ZNF84: variants seen among roughly 807,000 people sequenced by gnomAD.
ZNF84 encodes zinc finger protein HPF2.
Under a neutral mutation model 14.8 loss-of-function variants are expected in ZNF84, and 12 were observed. The ratio of observed to expected loss-of-function variants is 0.81; its 90% CI spans 0.52 to 1.31. The LOEUF (loss-of-function observed/expected upper bound fraction) is 1.31, where lower values mean the gene tolerates loss of function less well. Ranked by LOEUF, ZNF84 falls within the 50% of genes most tolerant of loss-of-function variation. ZNF84 has a pLI of 0.00. For synonymous variants in ZNF84, 347 were observed against 291.1 expected (o/e 1.19, Z -1.96); for missense variants, 859 against 878.6 (o/e 0.98, Z 0.28).
At chr12:133,046,747 G>C (rs971190836) in intron 2 of ZNF84, among the ~76,000 whole-genome samples, 1 of 150,114 alleles carries the variant, frequency 6.7e-6, no homozygotes, top group Non-Finnish European at 1.5e-5. Context: ...CTGACGCCTC[G>C]ACCTCCCAGG....
chr12:133,043,939 T>TTC (rs1555288548), intron 2 of ZNF84, among the ~76,000 whole-genome samples: 10 of 150,590 alleles, frequency 6.6e-5, no homozygotes, highest in South Asian at 2.1e-4. Context: ...TTTTTTTTTT[T>TTC]TTCCAGTAGA....
chr12:133,058,249 G>T lies in ZNF84; in HGVS notation c.1534G>T (p.Glu512Ter), dbSNP rs1419395062. The T allele has an allele frequency of 6.2e-7, 1 of 1,613,864 alleles. No individual in the cohort carries two copies. The highest frequency in any genetic ancestry group is 1.3e-5 in the African/African-American group (1 of 74,874). Residue 512 changes from glutamate to a stop codon, truncating the protein, a stop_gained, in exon 5 of 5, where the codon GAA becomes TAA. Transcript: ENST00000539354. LOFTEE classifies it low-confidence loss of function (END_TRUNC). The stretch of plus-strand genomic sequence containing the variant: ...TAATCATCAAAGAATTCATACAGGA[G>T]AAAAACCATATGTATGCAGTGAATG... ...LTNHQRIHTG[E>*]KPYVCSECGK...
rs1954220910 is a variant in ZNF84 at position 133,059,456 on chromosome 12, C to G, written c.*524C>G. 6.4e-6 allele frequency: 1 copy of G among 156,482 alleles called. No individual in the cohort carries two copies. The highest frequency in any genetic ancestry group is 2.4e-5 in the African/African-American group (1 of 41,534). 9.7% of individuals were successfully genotyped at this position (156,482 alleles called of 1,614,324 possible). ...ATTTAAAGACACTGGGAACACTTGC[C>G]CCTCAGTATAGTACTGTCAAGGGAA... On this transcript the variant is annotated 3_prime_UTR_variant, in exon 5 of 5. Transcript: ENST00000539354.
Position 133,047,966 on chromosome 12 carries a change from A to C in ZNF84, c.27A>C (p.Ser9=). ...TTGTGCTCTTACAGGAGTCATTCTC[A>C]TTTGACGATTTATCTGTGGACTTCA... MTMLQESF[S]FDDLSVDFTQ... The change falls in exon 3 of 5, where the codon TCA becomes TCC. Residue 9 remains serine, a synonymous_variant. Transcript: ENST00000539354. The C allele has an allele frequency of 6.2e-7, 1 of 1,613,984 alleles. No homozygotes were observed. The highest frequency in any genetic ancestry group is 8.5e-7 in the Non-Finnish European group (1 of 1,179,922).
chr12:133,039,494 A>G (rs1294903314), intron 1 of ZNF84, among the ~76,000 whole-genome samples: 1 of 152,230 alleles, frequency 6.6e-6, no homozygotes, highest in African/African-American at 2.4e-5. Context: ...TAAATGTGCA[A>G]TCACAGGCAC....
At position 133,057,572 on chromosome 12, in the gene ZNF84, C is replaced by T; in HGVS notation, c.857C>T (p.Thr286Ile). The change falls in exon 5 of 5, where the codon ACA becomes ATA. Residue 286 changes from threonine (T) to isoleucine (I), a missense_variant. Transcript: ENST00000539354. ...SQLTSHQRTH[T>I]GEKPYECGEC... ...CTCACATCCCATCAGCGGACACATA[C>T]AGGAGAGAAACCTTATGAGTGTGGT... 1 of 1,614,162 alleles carries T rather than the reference C, an allele frequency of 6.2e-7. No individual in the cohort carries two copies. The highest frequency in any genetic ancestry group is 8.5e-7 in the Non-Finnish European group (1 of 1,180,024).
At position 133,057,017 on chromosome 12, in the gene ZNF84, T is replaced by C; in HGVS notation, c.302T>C (p.Ile101Thr). ...GATAACCAAGACAAGCTTAAAATTA[T>C]AAAAAGAGGTCATGAATGTGATGCA... ...HQDNQDKLKI[I>T]KRGHECDAFG... The change falls in exon 5 of 5, where the codon ATA becomes ACA. Residue 101 changes from isoleucine (I) to threonine (T), a missense_variant. Physicochemically the swap from Ile to Thr is moderately conservative, Grantham distance 89. Transcript: ENST00000539354. The C allele has an allele frequency of 1.9e-6, 3 of 1,608,506 alleles. No homozygotes were observed. Among genetic ancestry groups the C allele is most frequent in the Admixed American group, 1.7e-5 (1 of 58,574 alleles).
Position 133,059,000 on chromosome 12 carries a change from T to C in ZNF84, c.*68T>C. On this transcript the variant is annotated 3_prime_UTR_variant, in exon 5 of 5. Transcript: ENST00000539354. ...CAGGAAATGCAATTATGATAACGTT[T>C]GTAGACAGTCACGTCATGTTAGGTG... The C allele has an allele frequency of 6.9e-7, 1 of 1,443,390 alleles. No homozygotes were observed. Among genetic ancestry groups the C allele is most frequent in the Admixed American group, 2.1e-5 (1 of 46,614 alleles). 89.4% of individuals were successfully genotyped at this position (1,443,390 alleles called of 1,614,324 possible).
At chr12:133,056,665 T>C (rs1954164236) in intron 4 of ZNF84, among the ~76,000 whole-genome samples, 1 of 152,178 alleles carries the variant, frequency 6.6e-6, no homozygotes, top group South Asian at 2.1e-4. Context: ...GGGTCAAAGC[T>C]TCTTCTAACC....
chr12:133,048,611 C>G (rs376219964), intron 3 of ZNF84, 142 bp from the exon 4 acceptor site: 1 of 581,600 alleles, frequency 1.7e-6, no homozygotes. Context: ...CAAGGGAGAC[C>G]GTTACTGTAA....
chr12:133,058,084 A>G lies in ZNF84; in HGVS notation c.1369A>G (p.Lys457Glu), dbSNP rs1954193650. ...ISHQMTHTGE[K>E]PFICSKCGKA... ...ACATCAGATGACACACACAGGAGAA[A>G]AACCCTTTATATGCAGTAAATGTGG... The change falls in exon 5 of 5, where the codon AAA becomes GAA. Residue 457 changes from lysine to glutamate, a missense_variant. Transcript: ENST00000539354. 1.9e-6 allele frequency: 3 copies of G among 1,614,006 alleles called. No individual in the cohort carries two copies. The highest frequency in any genetic ancestry group is 2.2e-5 in the East Asian group (1 of 44,874).
chr12:133,052,570 A>C (rs1954089937), intron 4 of ZNF84, among the ~76,000 whole-genome samples: 1 of 152,164 alleles, frequency 6.6e-6, no homozygotes, highest in South Asian at 2.1e-4. Context: ...CCAGGGTTCA[A>C]GTAATCTGCC....
At chr12:133,045,227 T>C (rs1366182649) in intron 2 of ZNF84, among the ~76,000 whole-genome samples, 1 of 152,128 alleles carries the variant, frequency 6.6e-6, no homozygotes, top group East Asian at 1.9e-4. Flanking sequence ...TCCCAGCACT[T>C]TGGGAGGCCG....
intron 2 of ZNF84, among the ~76,000 whole-genome samples, chr12:133,045,949 C>T (rs1268969498): frequency 1.2e-5 from 1 of 80,580 alleles, no homozygotes; most frequent in Non-Finnish European, 2.5e-5. Context: ...ATTTTTAAGT[C>T]ATTTTCTGTC....
chr12:133,051,118 T>TG (rs1255707337), intron 4 of ZNF84, among the ~76,000 whole-genome samples: 29 of 150,610 alleles, frequency 1.9e-4, no homozygotes, highest in Admixed American at 6.0e-4. Context: ...TTTGGTTTTT[T>TG]TTTTTGTTTT....
In ZNF84 at chr12:133,059,179, A is replaced by G; in HGVS notation, c.*247A>G. The G allele has an allele frequency of 2.4e-6, 1 of 424,992 alleles. No individual in the cohort carries two copies. The highest frequency in any genetic ancestry group is 4.1e-6 in the Non-Finnish European group (1 of 241,556). The allele number at this position is 424,992 out of a possible 1,614,324, so 26.3% of individuals were successfully genotyped here. ...TAGAGTAGAACATTCACAGCAAAGAAGAATCCTGTGAATGTCCAAAAGCCT... is the reference window on the plus strand; with the variant it reads ...TAGAGTAGAACATTCACAGCAAAGAGGAATCCTGTGAATGTCCAAAAGCCT... On this transcript the variant is annotated 3_prime_UTR_variant, in exon 5 of 5. Transcript: ENST00000539354.
At chr12:133,053,991 GT>G (rs1954111125) in intron 4 of ZNF84, among the ~76,000 whole-genome samples, 1 of 152,096 alleles carries the variant, frequency 6.6e-6, no homozygotes. Flanking sequence ...TTTGTAGAAT[GT>G]TTTCACATTA....
At chr12:133,056,886 AGTTTT>A (rs1323572505) in intron 4 of ZNF84, 63 bp from the exon 5 acceptor site, 169 of 1,369,682 alleles carry the variant, frequency 1.2e-4, no homozygotes, top group Admixed American at 1.7e-4. Context: ...TAGCATTTCT[AGTTTT>A]GTTTTGTTTT....
chr12:133,051,112 G>GTT (rs71825223), intron 4 of ZNF84, among the ~76,000 whole-genome samples: 5,550 of 145,570 alleles, frequency 0.038, 302 homozygotes, highest in African/African-American at 0.12. Flanking sequence ...TTGTTTTTTG[G>GTT]TTTTTTTTTT....
Sources: gnomAD v4.1 joint callset for allele counts (sites outside exome capture counted in the v4.1 genomes callset) on GRCh38, gnomAD v4.1.1 for gene constraint, MANE v1.5 for transcripts, NCBI Gene and HGNC (gene_info 2026-07-23, HGNC 2026-07-21) for gene names.